SLIT2: variants seen among roughly 807,000 people sequenced by gnomAD.
The protein encoded by SLIT2 is slit guidance ligand 2.
SLIT2 carries 41 observed loss-of-function variants against 185.7 expected under a neutral mutation model. That is an observed-to-expected ratio of 0.22 (90% confidence interval 0.17 to 0.29). The LOEUF is 0.29. Ranked by LOEUF, SLIT2 falls within the 10% of genes least tolerant of loss-of-function variation. The pLI is 1.00. For synonymous variants in SLIT2, 693 were observed against 680.2 expected, an observed-to-expected ratio of 1.02 and a Z score of -0.29; for missense variants, 1,571 against 1,909.0, an observed-to-expected ratio of 0.82 and a Z score of 3.30.
intron 29 of SLIT2, among the ~76,000 whole-genome samples, chr4:20,586,268 T>TA (rs1174297140): frequency 6.6e-6 from 1 of 152,208 alleles, no homozygotes; most frequent in Non-Finnish European, 1.5e-5. Context: ...GAGAATAGCA[T>TA]AAGCTATGTT....
chr4:20,408,611 T>C (rs1346925442), intron 4 of SLIT2, among the ~76,000 whole-genome samples: 1 of 152,128 alleles, frequency 6.6e-6, no homozygotes, highest in African/African-American at 2.4e-5. Context: ...TTTACCTCCT[T>C]CTAGCGCTAC....
At chr4:20,404,041 T>G (rs1310984221) in intron 4 of SLIT2, among the ~76,000 whole-genome samples, 1 of 152,012 alleles carries the variant, frequency 6.6e-6, no homozygotes, top group Non-Finnish European at 1.5e-5. Flanking sequence ...AATGTGGACT[T>G]GAACAGTTTG....
At chr4:20,478,148 A>T (rs1221360570) in intron 5 of SLIT2, among the ~76,000 whole-genome samples, 1 of 152,240 alleles carries the variant, frequency 6.6e-6, no homozygotes, top group African/African-American at 2.4e-5. Flanking sequence ...CACTTTATGT[A>T]AACCTTCCTT....
At chr4:20,416,509 A>G (rs973367000) in intron 4 of SLIT2, among the ~76,000 whole-genome samples, 7 of 152,148 alleles carry the variant, frequency 4.6e-5, no homozygotes, top group African/African-American at 1.7e-4. Flanking sequence ...AATTTAATCC[A>G]TAAAACCCTC....
At chr4:20,596,377 A>G (rs1727976384) in intron 31 of SLIT2, 38 bp from the exon 32 acceptor site, 1 of 1,597,846 alleles carries the variant, frequency 6.3e-7, no homozygotes, top group Admixed American at 1.7e-5. Flanking sequence ...ATTAAGTAAA[A>G]TCGTATTAAC....
At chr4:20,472,600 A>AGATATATCGATATATATCGATATATC (rs1560455520) in intron 5 of SLIT2, among the ~76,000 whole-genome samples, 3 of 38,436 alleles carry the variant, frequency 7.8e-5, no homozygotes, top group African/African-American at 2.7e-4. Flanking sequence ...ATATATATCT[A>AGATATATCGATATATATCGATATATC]TAGATATATC....
intron 4 of SLIT2, among the ~76,000 whole-genome samples, chr4:20,455,856 T>A (rs1713007266): frequency 6.6e-6 from 1 of 152,208 alleles, no homozygotes; most frequent in Admixed American, 6.5e-5. Flanking sequence ...TCGGCCATTT[T>A]CTTGTGAAGA....
chr4:20,593,166 A>G (rs1047303771), intron 30 of SLIT2, among the ~76,000 whole-genome samples: 1 of 152,182 alleles, frequency 6.6e-6, no homozygotes, highest in Admixed American at 6.5e-5. Context: ...AAGACTATAT[A>G]GAGAATTATT....
At chr4:20,475,680 C>T (rs1716019113) in intron 5 of SLIT2, among the ~76,000 whole-genome samples, 1 of 152,126 alleles carries the variant, frequency 6.6e-6, no homozygotes, top group African/African-American at 2.4e-5. Flanking sequence ...CAGACCCTGC[C>T]ATATGCTATG....
At chr4:20,284,703 T>G (rs908604966) in intron 4 of SLIT2, among the ~76,000 whole-genome samples, 2 of 152,044 alleles carry the variant, frequency 1.3e-5, no homozygotes, top group East Asian at 3.8e-4. Context: ...ATATTAATTC[T>G]GTTTACAAAA....
At position 20,288,282 on chromosome 4, in the gene SLIT2, G is replaced by T. The variant is rs536211286; in HGVS notation, c.395+19401G>T. Among the ~76,000 whole-genome samples, 11 of 152,332 alleles carry T rather than the reference G, an allele frequency of 7.2e-5. No homozygotes were observed. The South Asian group carries it at 2.3e-3, about 32-fold the overall frequency. ...TTCAGCAGTGTGGTGTGTAGGCCTG[G>T]GTTCCTCACCTGTGGATGGACGCTC... On this transcript the variant is annotated intron_variant, in intron 4 of 36. Transcript: ENST00000504154.
At chr4:20,291,482 ATATATATATATTTTTTTTTTTTTTTTTT>A (rs1451776967) in intron 4 of SLIT2, among the ~76,000 whole-genome samples, 8 of 12,666 alleles carry the variant, frequency 6.3e-4, no homozygotes, top group South Asian at 4.8e-3. Context: ...ATATATATAT[ATATATATATATTTTTTTTTTTTTTTTTT>A]TTTTTTTTTT....
At chr4:20,566,039 C>G (rs904463639) in intron 26 of SLIT2, among the ~76,000 whole-genome samples, 1 of 152,020 alleles carries the variant, frequency 6.6e-6, no homozygotes, top group Non-Finnish European at 1.5e-5. Context: ...ATCAACAACG[C>G]AAGCGTGGGC....
intron 4 of SLIT2, among the ~76,000 whole-genome samples, chr4:20,452,228 C>A (rs1428059272): frequency 6.6e-6 from 1 of 152,202 alleles, no homozygotes; most frequent in African/African-American, 2.4e-5. Context: ...TTTTGTTTAG[C>A]TTCCTGAGGG....
rs1169594277 is a variant in SLIT2 at position 20,459,184 on chromosome 4, A to T, written c.396-8568A>T. ...AACAGTCCCAATAATCCCTAAAAAA[A>T]ACCTCATTAATACATCCAACAAAGA... On this transcript the variant is annotated intron_variant, in intron 4 of 36. Transcript: ENST00000504154. 2.0e-5 allele frequency among the ~76,000 whole-genome samples: 3 copies of T among 152,280 alleles called. No individual in the cohort carries two copies. In the East Asian group the frequency reaches 5.8e-4, roughly 29 times the overall value.
At chr4:20,266,018 A>G (rs947076984) in intron 3 of SLIT2, among the ~76,000 whole-genome samples, 1 of 151,898 alleles carries the variant, frequency 6.6e-6, no homozygotes, top group East Asian at 1.9e-4. Context: ...GTACTTACTC[A>G]TGGGGATGTG....
chr4:20,299,655 G>GTT (rs72386657), intron 4 of SLIT2, among the ~76,000 whole-genome samples: 54 of 143,642 alleles, frequency 3.8e-4, no homozygotes, highest in African/African-American at 1.2e-3. Flanking sequence ...GCCTTTTTTT[G>GTT]TTTTTTTTTT....
chr4:20,255,756 T>G (rs963827686), intron 1 of SLIT2, among the ~76,000 whole-genome samples: 3 of 152,142 alleles, frequency 2.0e-5, no homozygotes, highest in African/African-American at 4.8e-5. Flanking sequence ...ACAAAAAGTT[T>G]CCAGAAAATA....
At chr4:20,550,680 T>G (rs751509475) in intron 24 of SLIT2, 147 bp from the exon 25 acceptor site, 1 of 449,918 alleles carries the variant, frequency 2.2e-6, no homozygotes, top group Non-Finnish European at 3.9e-6. Flanking sequence ...TTCTCAGGTA[T>G]CCAGTTGTAC....
Sources: allele counts gnomAD v4.1 joint callset (sites outside exome capture counted in the v4.1 genomes callset), GRCh38; gene constraint gnomAD v4.1.1; transcripts MANE v1.5; gene names NCBI Gene and HGNC (gene_info 2026-07-23, HGNC 2026-07-21).